Variants in PTPRT observed in about 807,000 individuals in gnomAD.
The protein encoded by PTPRT is protein tyrosine phosphatase receptor type T.
Under a neutral mutation model 176.8 loss-of-function variants are expected in PTPRT, and 56 were observed. That is an observed-to-expected ratio of 0.32 (90% CI 0.26 to 0.40). The LOEUF is 0.40. Ranked by LOEUF, PTPRT falls within the 10% of genes least tolerant of loss-of-function variation. PTPRT has a pLI of 1.00. For synonymous variants in PTPRT, 783 were observed against 739.0 expected (o/e 1.06, Z -0.96); for missense variants, 1,540 against 1,908.2 (o/e 0.81, Z 3.60).
At chr20:42,059,304 C>T in the PTPRT span, among the ~76,000 whole-genome samples, 1 of 152,126 alleles carries the variant, frequency 6.6e-6, no homozygotes, top group Non-Finnish European at 1.5e-5. Context: ...AAGTGCTCAG[C>T]AAGAGGGCCT....
rs542258761 is a variant in PTPRT at position 42,487,186 on chromosome 20, T to C, written c.1154-14624A>G. On this transcript the variant is annotated intron_variant, in intron 7 of 30. Transcript: ENST00000373187. Reference sequence around the variant, plus strand: ...TGTTCTATGTTCATTTTAACTATTATGGAATGTGTCTCTTGGAGAGAAGGG... The same window carrying C: ...TGTTCTATGTTCATTTTAACTATTACGGAATGTGTCTCTTGGAGAGAAGGG... Among the ~76,000 whole-genome samples the C allele has an allele frequency of 1.4e-4, 22 of 152,322 alleles. No homozygotes were observed. The South Asian group carries it at 2.3e-3, about 16-fold the overall frequency.
At chr20:42,233,013 C>T (rs2056168069) in intron 15 of PTPRT, among the ~76,000 whole-genome samples, 1 of 152,046 alleles carries the variant, frequency 6.6e-6, no homozygotes, top group Non-Finnish European at 1.5e-5. Context: ...CTGCAAAAGC[C>T]TTCTCTTGGG....
intron 7 of PTPRT, among the ~76,000 whole-genome samples, chr20:42,648,823 T>TTTTTTTTTGTTTTG (rs1569054275): frequency 3.8e-4 from 10 of 26,166 alleles, no homozygotes; most frequent in Non-Finnish European, 8.3e-4. Context: ...TGTCGTTGTT[T>TTTTTTTTTGTTTTG]TTTTTTTTTT....
At chr20:42,829,137 T>C (rs2078046661) in intron 2 of PTPRT, among the ~76,000 whole-genome samples, 1 of 152,202 alleles carries the variant, frequency 6.6e-6, no homozygotes, top group African/African-American at 2.4e-5. Flanking sequence ...TCCATCAGCA[T>C]GACCTGTATG....
At chr20:42,881,358 G>A (rs2079007291) in intron 2 of PTPRT, among the ~76,000 whole-genome samples, 1 of 152,190 alleles carries the variant, frequency 6.6e-6, no homozygotes, top group African/African-American at 2.4e-5. Context: ...GTGAGAATAA[G>A]GAGGAAGTCC....
At chr20:42,930,500 A>G (rs77717391) in intron 1 of PTPRT, among the ~76,000 whole-genome samples, 2 of 150,232 alleles carry the variant, frequency 1.3e-5, no homozygotes, top group East Asian at 3.9e-4. Flanking sequence ...TTTTTTTTTT[A>G]GGAATAGGAT....
chr20:42,146,117 A>T (rs1375719638), intron 17 of PTPRT, among the ~76,000 whole-genome samples: 1 of 152,084 alleles, frequency 6.6e-6, no homozygotes, highest in East Asian at 1.9e-4. Flanking sequence ...TAACTCTTAG[A>T]ACTCAGATTC....
chr20:42,699,134 T>A (rs1049474051), intron 6 of PTPRT, among the ~76,000 whole-genome samples: 12 of 152,176 alleles, frequency 7.9e-5, no homozygotes, highest in South Asian at 6.2e-4. Context: ...CATTACCTCT[T>A]ACTCTATACT....
intron 22 of PTPRT, among the ~76,000 whole-genome samples, chr20:42,111,467 T>C (rs920418364): frequency 3.9e-5 from 6 of 152,294 alleles, no homozygotes; most frequent in Non-Finnish European, 5.9e-5. Context: ...GGTAATTCTA[T>C]TGAAGTGGAT....
At chr20:42,929,839 T>C (rs1979721560) in intron 1 of PTPRT, among the ~76,000 whole-genome samples, 1 of 152,238 alleles carries the variant, frequency 6.6e-6, no homozygotes. Flanking sequence ...TCTTGAAACC[T>C]AAGGATTAGC....
chr20:42,842,140 G>A (rs1034790263), intron 2 of PTPRT, among the ~76,000 whole-genome samples: 2 of 152,200 alleles, frequency 1.3e-5, no homozygotes, highest in Non-Finnish European at 2.9e-5. Context: ...GAAAACTCCT[G>A]TATTCTCCAA....
chr20:42,363,270 TTATA>T lies in PTPRT; in HGVS notation c.1561-10989_1561-10986del, dbSNP rs1212021931. Reference sequence around the variant, plus strand: ...ACATTCTTGCAGCAATTTATTACAATTATATATATATATATATATATATATATAT... The same window carrying T: ...ACATTCTTGCAGCAATTTATTACAATTATATATATATATATATATATATAT... On this transcript the variant is annotated intron_variant, in intron 9 of 30. Coordinates refer to ENST00000373187, the MANE Select transcript of PTPRT (RefSeq NM_007050.6). Among the ~76,000 whole-genome samples the T allele has an allele frequency of 6.2e-3, 188 of 30,354 alleles. 2 individuals carry two copies. The highest frequency in any genetic ancestry group is 0.025 in the Middle Eastern group (1 of 40). 19.9% of individuals were successfully genotyped at this position (30,354 alleles called of 152,430 possible). A position where few individuals can be genotyped will look rare whatever the true frequency, so the allele number is the denominator to read the frequency against.
At chr20:42,648,820 G>GTTTTTTTTTTTTTTTT (rs68036487) in intron 7 of PTPRT, among the ~76,000 whole-genome samples, 1 of 111,838 alleles carries the variant, frequency 8.9e-6, no homozygotes, top group African/African-American at 3.7e-5. Context: ...TGGTGTCGTT[G>GTTTTTTTTTTTTTTTT]TTTTTTTTTT....
chr20:42,241,003 G>C (rs1448490614), intron 14 of PTPRT, among the ~76,000 whole-genome samples: 1 of 152,166 alleles, frequency 6.6e-6, no homozygotes, highest in African/African-American at 2.4e-5. Flanking sequence ...ATAACCTTAT[G>C]AGGCATTATT....
chr20:42,057,622 T>C, the PTPRT span, among the ~76,000 whole-genome samples: 1 of 152,288 alleles, frequency 6.6e-6, no homozygotes, highest in South Asian at 2.1e-4. Flanking sequence ...AGGGTCTTGC[T>C]CTGTCACCCA....
intron 2 of PTPRT, among the ~76,000 whole-genome samples, chr20:42,852,574 G>A (rs2078493805): frequency 6.6e-6 from 1 of 151,912 alleles, no homozygotes; most frequent in Non-Finnish European, 1.5e-5. Context: ...CTTGTTCAGA[G>A]GGCTATGTCC....
intron 3 of PTPRT, among the ~76,000 whole-genome samples, chr20:42,784,969 T>C (rs1318793126): frequency 6.6e-6 from 1 of 152,190 alleles, no homozygotes; most frequent in Non-Finnish European, 1.5e-5. Context: ...TAATAATATA[T>C]TGTGCATTTC....
chr20:42,758,087 ACT>A (rs906451397), intron 5 of PTPRT, among the ~76,000 whole-genome samples: 3 of 152,160 alleles, frequency 2.0e-5, no homozygotes, highest in African/African-American at 7.2e-5. Context: ...CAAGTCAAGC[ACT>A]GTTTTTACTA....
At chr20:42,461,341 T>A (rs960757483) in intron 8 of PTPRT, among the ~76,000 whole-genome samples, 1 of 151,666 alleles carries the variant, frequency 6.6e-6, no homozygotes, top group Admixed American at 6.6e-5. Flanking sequence ...AATAAATAAA[T>A]AAATAAAATA....
Sources: allele counts gnomAD v4.1 joint callset (sites outside exome capture counted in the v4.1 genomes callset), GRCh38; gene constraint gnomAD v4.1.1; transcripts MANE v1.5; gene names NCBI Gene and HGNC (gene_info 2026-07-23, HGNC 2026-07-21).